The following NRXN3 variants were observed in gnomAD, a reference collection of about 807,000 sequenced individuals.
The protein encoded by NRXN3 is neurexin III.
A neutral mutation model predicts 137.6 loss-of-function variants in NRXN3; 32 were observed. That is an observed-to-expected ratio of 0.23 (90% CI 0.18 to 0.31). The LOEUF (loss-of-function observed/expected upper bound fraction) is 0.31. Ranked by LOEUF, NRXN3 falls within the 10% of genes least tolerant of loss-of-function variation. The pLI, the probability that NRXN3 is intolerant of heterozygous loss-of-function variation, is 1.00. For missense variants in NRXN3, 1,574 were observed against 2,062.5 expected (o/e 0.76, Z 4.59); for synonymous variants, 798 against 784.5 (o/e 1.02, Z -0.29).
At chr14:79,387,728 G>T (rs952611991) in intron 15 of NRXN3, among the ~76,000 whole-genome samples, 1 of 151,826 alleles carries the variant, frequency 6.6e-6, no homozygotes, top group Non-Finnish European at 1.5e-5. Context: ...TGATAGACTG[G>T]ATTAAGAAAA....
chr14:79,125,555 G>A (rs770389582), intron 15 of NRXN3, among the ~76,000 whole-genome samples: 5 of 152,158 alleles, frequency 3.3e-5, no homozygotes, highest in Non-Finnish European at 7.3e-5. Flanking sequence ...GACAACTCCA[G>A]TTCCTGCTCT....
rs561019841 is a variant in NRXN3 at position 79,522,387 on chromosome 14, G to T, written c.3444+54985G>T. On this transcript the variant is annotated intron_variant, in intron 16 of 20. Coordinates refer to ENST00000335750, the MANE Select transcript of NRXN3 (RefSeq NM_001330195.2). The stretch of plus-strand genomic sequence containing the variant: ...GAGCTTTCTCTTCCAAGGAGCCTTT[G>T]AGTCCTCATCTCTGCTGTTACAGTA... Among the ~76,000 whole-genome samples, 11 of 152,248 alleles carry T rather than the reference G, an allele frequency of 7.2e-5. No homozygotes were observed. The South Asian group carries it at 2.1e-3, about 29-fold the overall frequency.
chr14:78,918,387 G>A (rs1013465137), intron 10 of NRXN3, among the ~76,000 whole-genome samples: 1 of 150,066 alleles, frequency 6.7e-6, no homozygotes, highest in African/African-American at 2.5e-5. Flanking sequence ...ATAATAAAAC[G>A]AATAATGAAA....
chr14:78,348,202 A>C (rs73308947), intron 4 of NRXN3, among the ~76,000 whole-genome samples: 4,085 of 152,262 alleles, frequency 0.027, 153 homozygotes, highest in African/African-American at 0.088. Flanking sequence ...CAGCTTGGAA[A>C]TGCTAATTCT....
rs958939829 is a variant in NRXN3, at chr14:78,473,070, G to A, written c.758-172050G>A. ...AGGATGTTCATTTAAAACCAATCCT[G>A]TTTGATACAGTAGGACTGTTACCAA... is the stretch of plus-strand genomic sequence containing the variant. On this transcript the variant is annotated intron_variant, in intron 4 of 20. Coordinates refer to ENST00000335750, the MANE Select transcript of NRXN3 (RefSeq NM_001330195.2). Among the ~76,000 whole-genome samples, 3 of 152,014 alleles carry A rather than the reference G, an allele frequency of 2.0e-5. No individual in the cohort carries two copies. The East Asian group carries it at 5.8e-4, about 29-fold the overall frequency.
At chr14:79,610,732 C>G (rs1603025265) in intron 16 of NRXN3, among the ~76,000 whole-genome samples, 2 of 152,316 alleles carry the variant, frequency 1.3e-5, no homozygotes, top group South Asian at 4.1e-4. Context: ...AGGAGGCAAA[C>G]TAGCCCTTTC....
At chr14:78,831,969 C>T (rs980452947) in intron 10 of NRXN3, among the ~76,000 whole-genome samples, 1 of 151,832 alleles carries the variant, frequency 6.6e-6, no homozygotes, top group African/African-American at 2.4e-5. Context: ...GGGGTAATAC[C>T]AGCATGTTTC....
chr14:78,282,164 T>G, intron 3 of NRXN3: 1 of 499,232 alleles, frequency 2.0e-6, no homozygotes, highest in Non-Finnish European at 4.0e-6. Flanking sequence ...CCTTATCCCA[T>G]GCTTTTGTAC....
rs369845193 is a variant in NRXN3 at position 78,992,004 on chromosome 14, C to T, written c.3262+3863C>T. The stretch of plus-strand genomic sequence containing the variant: ...AACATAGCTGTGCAAAGCTGATATT[C>T]TTTAGAGCTGATTGTCTTGTATAAG... On this transcript the variant is annotated intron_variant, in intron 15 of 20. Coordinates refer to ENST00000335750, the MANE Select transcript of NRXN3 (RefSeq NM_001330195.2). Among the ~76,000 whole-genome samples the T allele has an allele frequency of 1.6e-3, 251 of 152,218 alleles. 1 individual carries two copies. Among genetic ancestry groups the T allele is most frequent in the African/African-American group, 5.1e-3 (211 of 41,538 alleles).
chr14:78,765,748 C>G (rs955818521), intron 8 of NRXN3, among the ~76,000 whole-genome samples: 2 of 152,156 alleles, frequency 1.3e-5, no homozygotes, highest in African/African-American at 2.4e-5. Context: ...TACACACACA[C>G]ACACATACAT....
intron 10 of NRXN3, among the ~76,000 whole-genome samples, chr14:78,908,956 A>T (rs2099228027): frequency 6.6e-6 from 1 of 152,164 alleles, no homozygotes; most frequent in South Asian, 2.1e-4. Flanking sequence ...TGAAGAAAAC[A>T]TTCATCTTGT....
intron 1 of NRXN3, chr14:78,231,250 T>G (rs1424957782): frequency 6.6e-6 from 1 of 152,258 alleles, no homozygotes; most frequent in African/African-American, 2.4e-5. Context: ...AGAATAGATT[T>G]TCTTTAGTCC....
intron 19 of NRXN3, among the ~76,000 whole-genome samples, chr14:79,765,644 A>G (rs990886948): frequency 6.6e-6 from 1 of 152,198 alleles, no homozygotes; most frequent in African/African-American, 2.4e-5. Context: ...CTCATTCACT[A>G]TAATATCTTT....
chr14:79,250,003 C>A (rs555615486), intron 15 of NRXN3, among the ~76,000 whole-genome samples: 1 of 152,256 alleles, frequency 6.6e-6, no homozygotes, highest in Non-Finnish European at 1.5e-5. Context: ...CACTAATAAC[C>A]AATCAGTATA....
At chr14:78,670,794 G>A (rs1315974708) in intron 6 of NRXN3, among the ~76,000 whole-genome samples, 1 of 152,174 alleles carries the variant, frequency 6.6e-6, no homozygotes, top group Non-Finnish European at 1.5e-5. Flanking sequence ...GGATGTTCCA[G>A]GTAAGGGCAG....
intron 15 of NRXN3, among the ~76,000 whole-genome samples, chr14:79,066,310 CT>C (rs2099680693): frequency 6.6e-6 from 1 of 151,898 alleles, no homozygotes; most frequent in South Asian, 2.1e-4. Flanking sequence ...GGTGTGCGGT[CT>C]TATGTCTGAG....
At chr14:78,821,722 G>A (rs74445609) in intron 10 of NRXN3, among the ~76,000 whole-genome samples, 6 of 152,194 alleles carry the variant, frequency 3.9e-5, no homozygotes, top group African/African-American at 1.4e-4. Flanking sequence ...CAGCCACTGG[G>A]CCGGTTATCT....
chr14:78,400,453 T>G (rs1598265389), intron 4 of NRXN3, among the ~76,000 whole-genome samples: 2 of 152,340 alleles, frequency 1.3e-5, no homozygotes, highest in African/African-American at 4.8e-5. Flanking sequence ...AAACTTTACC[T>G]AGCTGTCAGT....
At chr14:79,484,730 C>T (rs2096639920) in intron 16 of NRXN3, among the ~76,000 whole-genome samples, 2 of 152,208 alleles carry the variant, frequency 1.3e-5, no homozygotes, top group Admixed American at 6.5e-5. Flanking sequence ...CACTCTGGAA[C>T]GTTTTCAAAG....
Sources: allele counts gnomAD v4.1 joint callset (sites outside exome capture counted in the v4.1 genomes callset), GRCh38; gene constraint gnomAD v4.1.1; transcripts MANE v1.5; gene names NCBI Gene and HGNC (gene_info 2026-07-23, HGNC 2026-07-21).